The following IGF1R variants were observed in gnomAD, a reference collection of about 807,000 sequenced individuals.
IGF1R encodes insulin like growth factor 1 receptor.
Under a neutral mutation model 144.6 loss-of-function variants are expected in IGF1R, and 44 were observed. The ratio of observed to expected loss-of-function variants is 0.30; its 90% confidence interval spans 0.24 to 0.39. The LOEUF (loss-of-function observed/expected upper bound fraction) is 0.39. IGF1R is among the 10% of genes least tolerant of loss of function. IGF1R has a pLI of 1.00. For missense variants in IGF1R, 1,355 were observed against 1,833.7 expected (o/e 0.74, Z 4.77); for synonymous variants, 795 against 722.8 (o/e 1.10, Z -1.60).
At chr15:98,773,537 AACC>A (rs2055643191) in intron 2 of IGF1R, among the ~76,000 whole-genome samples, 1 of 152,138 alleles carries the variant, frequency 6.6e-6, no homozygotes, top group African/African-American at 2.4e-5. Context: ...ATGGATCAGC[AACC>A]ATTTCCTTTT....
At chr15:98,953,478 C>T (rs34895288) in intron 20 of IGF1R, among the ~76,000 whole-genome samples, 24,813 of 152,114 alleles carry the variant, frequency 0.16, 2,225 homozygotes, top group East Asian at 0.36. Flanking sequence ...TACTGTTGAG[C>T]TCCTCTGGGT....
At chr15:98,666,732 G>C (rs2052749775) in intron 1 of IGF1R, among the ~76,000 whole-genome samples, 1 of 152,144 alleles carries the variant, frequency 6.6e-6, no homozygotes, top group African/African-American at 2.4e-5. Context: ...GCGGTGAATA[G>C]AGGCTGGGGG....
Position 98,935,351 on chromosome 15 carries a change from A to C in IGF1R, c.3222A>C (p.Pro1074=). The change falls in exon 17 of 21, where the codon CCA becomes CCC. Residue 1074 remains proline (P), a synonymous_variant. Coordinates refer to ENST00000650285, the MANE Select transcript of IGF1R (RefSeq NM_000875.5). The surrounding 1 kb of genome is among the most constrained non-coding windows in gnomAD (Gnocchi z 4.2). The part of the protein sequence containing the change: ...RLLGVVSQGQ[P]TLVIMELMTR... The stretch of plus-strand genomic sequence containing the variant: ...TGGGTGTGGTGTCCCAAGGCCAGCC[A>C]ACACTGGTCATCATGGAACTGATGA... 1 of 1,551,508 alleles carries C rather than the reference A, an allele frequency of 6.4e-7. No individual in the cohort carries two copies. Among genetic ancestry groups the C allele is most frequent in the Non-Finnish European group, 8.7e-7 (1 of 1,146,892 alleles).
Position 98,814,454 on chromosome 15 carries a change from G to A in IGF1R, c.641-76871G>A, listed in dbSNP as rs533412809. The stretch of plus-strand genomic sequence containing the variant: ...CAACCTCAAACTCCTGGGCTTAAGC[G>A]ATCCTCAACCTCCTGAGTAGCTGGG... On this transcript the variant is annotated intron_variant, in intron 2 of 20. Transcript: ENST00000650285. Among the ~76,000 whole-genome samples, 24 of 152,252 alleles carry A rather than the reference G, an allele frequency of 1.6e-4. No individual in the cohort carries two copies. The South Asian group carries it at 5.0e-3, about 32-fold the overall frequency.
chr15:98,689,786 C>G (rs2053430406), intron 1 of IGF1R, among the ~76,000 whole-genome samples: 1 of 152,142 alleles, frequency 6.6e-6, no homozygotes, highest in African/African-American at 2.4e-5. Context: ...TGAACAGATC[C>G]TGTCCGATGG....
intron 1 of IGF1R, among the ~76,000 whole-genome samples, chr15:98,667,377 C>T (rs895456806): frequency 2.0e-5 from 3 of 152,026 alleles, no homozygotes; most frequent in Non-Finnish European, 2.9e-5. Context: ...TGCCTCATTA[C>T]AGAGGGGGGA....
intron 2 of IGF1R, among the ~76,000 whole-genome samples, chr15:98,886,248 G>A (rs1427079982): frequency 6.6e-6 from 1 of 152,178 alleles, no homozygotes; most frequent in African/African-American, 2.4e-5. Context: ...CTCTGGAGAG[G>A]GAGAGAGTTA....
In IGF1R at chr15:98,695,827, C is replaced by T. The variant is rs76186522; in HGVS notation, c.95-11735C>T. Among the ~76,000 whole-genome samples, 1,249 of 152,252 alleles carry T rather than the reference C, an allele frequency of 8.2e-3. 16 individuals are homozygous for T. Among genetic ancestry groups the T allele is most frequent in the African/African-American group, 0.029 (1,197 of 41,530 alleles). On this transcript the variant is annotated intron_variant, in intron 1 of 20. Transcript: ENST00000650285. ...ATAAAGAGCCTGACCAGTCCCCCTCCCTGGAGACCTTTGTGTGCTGGGTTT... is the reference window on the plus strand; with the variant it reads ...ATAAAGAGCCTGACCAGTCCCCCTCTCTGGAGACCTTTGTGTGCTGGGTTT...
chr15:98,788,054 CTCTCTCTCTGTGTG>C (rs1476183938), intron 2 of IGF1R, among the ~76,000 whole-genome samples: 37 of 142,374 alleles, frequency 2.6e-4, no homozygotes, highest in African/African-American at 6.7e-4. Context: ...CTCTCTCTCT[CTCTCTCTCTGTGTG>C]TGTGTGTGTG....
chr15:98,848,678 A>G (rs1425526167), intron 2 of IGF1R, among the ~76,000 whole-genome samples: 1 of 152,170 alleles, frequency 6.6e-6, no homozygotes, highest in Non-Finnish European at 1.5e-5. Flanking sequence ...TTGATTCTTG[A>G]TTAGGATCTC....
At chr15:98,652,691 T>A (rs1479883825) in intron 1 of IGF1R, among the ~76,000 whole-genome samples, 1 of 152,154 alleles carries the variant, frequency 6.6e-6, no homozygotes, top group Non-Finnish European at 1.5e-5. Flanking sequence ...CCGGTTTATG[T>A]GAAATGTCTA....
intron 20 of IGF1R, among the ~76,000 whole-genome samples, chr15:98,956,370 T>G (rs923832816): frequency 2.0e-5 from 3 of 152,214 alleles, no homozygotes; most frequent in African/African-American, 7.2e-5. Context: ...TGGCTTCAGG[T>G]CTACACGGGG....
At chr15:98,709,665 G>A (rs141561271) in intron 2 of IGF1R, among the ~76,000 whole-genome samples, 2 of 152,366 alleles carry the variant, frequency 1.3e-5, no homozygotes, top group African/African-American at 4.8e-5. Flanking sequence ...GATGTTGAAT[G>A]TGGTGATGAG....
intron 2 of IGF1R, among the ~76,000 whole-genome samples, chr15:98,818,281 T>G (rs2056736394): frequency 6.6e-6 from 1 of 152,076 alleles, no homozygotes; most frequent in Non-Finnish European, 1.5e-5. Context: ...GTCACAGTAT[T>G]AGATGGGACC....
At chr15:98,695,652 C>T (rs1402172720) in intron 1 of IGF1R, among the ~76,000 whole-genome samples, 10 of 152,188 alleles carry the variant, frequency 6.6e-5, no homozygotes, top group Non-Finnish European at 1.5e-5. Context: ...TACACAATCT[C>T]AGAAATGTGC....
At position 98,961,848 on chromosome 15, in the gene IGF1R, C is replaced by T. The variant is rs139768465; in HGVS notation, c.*4406C>T. On this transcript the variant is annotated 3_prime_UTR_variant, in exon 21 of 21. Coordinates refer to ENST00000650285, the MANE Select transcript of IGF1R (RefSeq NM_000875.5). ...GATGGAAGACCGTGTTCGTGGCCGA[C>T]CTGGCCTCTCCTGGCCTGTTTCTTA... The T allele has an allele frequency of 6.3e-4, 146 of 233,282 alleles. No individual in the cohort carries two copies. The highest frequency in any genetic ancestry group is 2.8e-3 in the African/African-American group (126 of 45,436). 14.5% of individuals were successfully genotyped at this position (233,282 alleles called of 1,614,324 possible).
intron 5 of IGF1R, among the ~76,000 whole-genome samples, chr15:98,902,604 C>T (rs983382579): frequency 6.6e-6 from 1 of 151,492 alleles, no homozygotes; most frequent in East Asian, 1.9e-4. Context: ...TTAGTAGAGA[C>T]GGACTTTCAC....
At chr15:98,894,468 GGA>G (rs1446047409) in intron 3 of IGF1R, among the ~76,000 whole-genome samples, 1 of 152,162 alleles carries the variant, frequency 6.6e-6, no homozygotes, top group African/African-American at 2.4e-5. Flanking sequence ...TCCACACCAT[GGA>G]ATATTATTAC....
chr15:98,840,298 T>G (rs936520939), intron 2 of IGF1R, among the ~76,000 whole-genome samples: 2 of 152,324 alleles, frequency 1.3e-5, no homozygotes, highest in Non-Finnish European at 1.5e-5. Context: ...CAAACCTGAC[T>G]GCCTTCACAT....
Sources: gnomAD v4.1 joint callset for allele counts (sites outside exome capture counted in the v4.1 genomes callset) on GRCh38, gnomAD v4.1.1 for gene constraint, Gnocchi (gnomAD v3.1) non-coding constraint, MANE v1.5 for transcripts, NCBI Gene and HGNC (gene_info 2026-07-23, HGNC 2026-07-21) for gene names.